The following ADCY2 variants were observed in gnomAD, a reference collection of about 807,000 sequenced individuals.
ADCY2 encodes the protein adenylate cyclase 2, also known as adenylate cyclase type 2.
ADCY2 carries 31 observed loss-of-function variants against 125.2 expected under a neutral mutation model. The observed-to-expected ratio is 0.25, with a 90% confidence interval of 0.19 to 0.33. The LOEUF is 0.33. Ranked by LOEUF, ADCY2 falls within the 10% of genes least tolerant of loss-of-function variation. The pLI is 1.00. For missense variants in ADCY2, 904 were observed against 1,418.2 expected, an observed-to-expected ratio of 0.64 and a Z score of 5.82; for synonymous variants, 512 against 548.4, an observed-to-expected ratio of 0.93 and a Z score of 0.93.
intron 4 of ADCY2, among the ~76,000 whole-genome samples, chr5:7,642,738 T>C (rs1275994672): frequency 6.6e-6 from 1 of 152,108 alleles, no homozygotes; most frequent in African/African-American, 2.4e-5. Flanking sequence ...CATGTACAAA[T>C]GAATTCCCAT....
intron 3 of ADCY2, among the ~76,000 whole-genome samples, chr5:7,546,939 G>A (rs1035208054): frequency 3.9e-5 from 6 of 152,114 alleles, no homozygotes; most frequent in Non-Finnish European, 8.8e-5. Flanking sequence ...TCCTGAGCCC[G>A]TTTGGCATTC....
rs111287782 is a variant in ADCY2, at chr5:7,675,897, G to A, written c.721-14794G>A. On this transcript the variant is annotated intron_variant, in intron 4 of 24. Transcript: ENST00000338316. ...TTGATATCGTTGGTATTATGTTGAT[G>A]ATATTAGCAAGTTAAGACTAGCGAG... Among the ~76,000 whole-genome samples the A allele has an allele frequency of 7.1e-3, 1,082 of 152,298 alleles. 5 individuals are homozygous for A. Among genetic ancestry groups the A allele is most frequent in the Non-Finnish European group, 0.011 (763 of 68,028 alleles).
intron 3 of ADCY2, among the ~76,000 whole-genome samples, chr5:7,589,511 A>AAAGAAAGAAAGAGAAAG (rs757777978): frequency 1.1e-4 from 12 of 110,368 alleles, no homozygotes; most frequent in Non-Finnish European, 1.6e-4. Flanking sequence ...AGAAAGAAAG[A>AAAGAAAGAAAGAGAAAG]AAAGAAAAGA....
intron 20 of ADCY2, chr5:7,799,399 A>C (rs550902931): frequency 6.6e-6 from 1 of 152,404 alleles, no homozygotes; most frequent in East Asian, 1.9e-4. Context: ...GAATTTCAGA[A>C]GCCTAGAAGT....
chr5:7,789,894 C>A, intron 20 of ADCY2, 94 bp downstream of exon 20: 1 of 949,130 alleles, frequency 1.1e-6, no homozygotes, highest in Non-Finnish European at 1.5e-6. Flanking sequence ...ATAAAGGCTG[C>A]AGTACTTCAC....
chr5:7,709,919 G>T lies in ADCY2; in HGVS notation c.1578+532G>T, dbSNP rs1293750075. Among the ~76,000 whole-genome samples, 1 of 152,120 alleles carries T rather than the reference G, an allele frequency of 6.6e-6. No individual in the cohort carries two copies. The highest frequency in any genetic ancestry group is 2.4e-5 in the African/African-American group (1 of 41,424). On this transcript the variant is annotated intron_variant, in intron 10 of 24. Transcript: ENST00000338316. This position sits in a 1 kb window ranked among gnomAD's most constrained non-coding sequence, Gnocchi z 4.4. ...ACATCTGCGATAAGATGGCTGCAAT[G>T]GAGAAGGAAAATAGAAAGGCCCATA...
intron 2 of ADCY2, among the ~76,000 whole-genome samples, chr5:7,454,836 T>A (rs1187652440): frequency 6.6e-6 from 1 of 152,216 alleles, no homozygotes; most frequent in East Asian, 1.9e-4. Context: ...TAAATGTTAA[T>A]TTTTTGTACA....
chr5:7,732,610 A>C (rs1160154729), intron 14 of ADCY2, among the ~76,000 whole-genome samples: 1 of 152,230 alleles, frequency 6.6e-6, no homozygotes. Flanking sequence ...TTGTTAGAAT[A>C]ATGGTGGCTC....
intron 14 of ADCY2, among the ~76,000 whole-genome samples, chr5:7,741,766 G>A (rs1176315867): frequency 9.5e-3 from 24 of 2,538 alleles, no homozygotes; most frequent in South Asian, 0.025. Flanking sequence ...CCCTATCACT[G>A]TCACCATACC....
chr5:7,547,850 G>A (rs73739835), intron 3 of ADCY2, among the ~76,000 whole-genome samples: 1,611 of 152,306 alleles, frequency 0.011, 29 homozygotes, highest in African/African-American at 0.037. Flanking sequence ...CAAGTCGTCC[G>A]TCCTGGAGGG....
At position 7,827,955 on chromosome 5, in the gene ADCY2, G is replaced by T. The variant is rs958289188; in HGVS notation, c.*1084G>T. ...CTATGCAAATCAGTCTCACAATAGC[G>T]TGAGCTAACTGAGAGAAGTACTAAG... On this transcript the variant is annotated 3_prime_UTR_variant, in exon 25 of 25. Coordinates refer to ENST00000338316, the MANE Select transcript of ADCY2 (RefSeq NM_020546.3). 3.3e-5 allele frequency: 5 copies of T among 152,748 alleles called. No homozygotes were observed. The highest frequency in any genetic ancestry group is 2.1e-4 in the South Asian group (1 of 4,838). The allele number at this position is 152,748 out of a possible 1,614,324, so 9.5% of individuals were successfully genotyped here. A position where few individuals can be genotyped will look rare whatever the true frequency, so the allele number is the denominator to read the frequency against.
intron 2 of ADCY2, among the ~76,000 whole-genome samples, chr5:7,501,573 A>C (rs919090125): frequency 8.1e-5 from 12 of 147,988 alleles, no homozygotes; most frequent in Non-Finnish European, 1.5e-4. Context: ...TGGATGAGAG[A>C]CCATGAGGAA....
chr5:7,599,676 G>C (rs1470949225), intron 3 of ADCY2, among the ~76,000 whole-genome samples: 1 of 152,166 alleles, frequency 6.6e-6, no homozygotes, highest in Non-Finnish European at 1.5e-5. Flanking sequence ...CAGTCACTTA[G>C]ATGAGATCTT....
intron 2 of ADCY2, among the ~76,000 whole-genome samples, chr5:7,489,297 C>G (rs1743069363): frequency 6.6e-6 from 1 of 152,206 alleles, no homozygotes; most frequent in Non-Finnish European, 1.5e-5. Flanking sequence ...AATCCAGGGA[C>G]TATTGCACCC....
chr5:7,598,735 A>G (rs985430883), intron 3 of ADCY2, among the ~76,000 whole-genome samples: 17 of 152,162 alleles, frequency 1.1e-4, no homozygotes, highest in African/African-American at 3.9e-4. Context: ...CTTGATTTCC[A>G]GTGAAACGTG....
At chr5:7,579,514 C>T (rs1736357549) in intron 3 of ADCY2, among the ~76,000 whole-genome samples, 1 of 151,974 alleles carries the variant, frequency 6.6e-6, no homozygotes, top group African/African-American at 2.4e-5. Flanking sequence ...CATGATCCAG[C>T]CAGCATCCCA....
chr5:7,713,161 T>C (rs781368331), intron 11 of ADCY2, among the ~76,000 whole-genome samples: 68 of 152,196 alleles, frequency 4.5e-4, no homozygotes, highest in Non-Finnish European at 8.4e-4. Flanking sequence ...CTTCTTAATA[T>C]TAATGTGTGG....
chr5:7,464,169 A>T, intron 2 of ADCY2, among the ~76,000 whole-genome samples: 1 of 151,956 alleles, frequency 6.6e-6, no homozygotes, highest in East Asian at 1.9e-4. Flanking sequence ...TCTTCATTGT[A>T]AGCTGTTTGA....
At chr5:7,537,310 G>T (rs2126555109) in intron 3 of ADCY2, among the ~76,000 whole-genome samples, 1 of 152,180 alleles carries the variant, frequency 6.6e-6, no homozygotes, top group Non-Finnish European at 1.5e-5. Flanking sequence ...ATACATGTTT[G>T]TCTTAAGTGT....
Sources: allele counts gnomAD v4.1 joint callset (sites outside exome capture counted in the v4.1 genomes callset), GRCh38; gene constraint gnomAD v4.1.1; non-coding constraint Gnocchi (gnomAD v3.1); transcripts MANE v1.5; gene names NCBI Gene and HGNC (gene_info 2026-07-23, HGNC 2026-07-21).